VIPR2: variants seen among roughly 807,000 people sequenced by gnomAD.
VIPR2 encodes the protein vasoactive intestinal polypeptide receptor 2.
A neutral mutation model predicts 58.0 loss-of-function variants in VIPR2; 48 were observed. The observed-to-expected ratio is 0.83, with a 90% CI of 0.66 to 1.05. The LOEUF (loss-of-function observed/expected upper bound fraction) is 1.05. Ranked by LOEUF, VIPR2 falls within the 50% of genes least tolerant of loss-of-function variation. VIPR2 has a pLI of 0.00. For missense variants in VIPR2, 534 were observed against 558.0 expected, an observed-to-expected ratio of 0.96 and a Z score of 0.43; for synonymous variants, 243 against 235.2, an observed-to-expected ratio of 1.03 and a Z score of -0.30.
Position 159,098,567 on chromosome 7 carries a change from G to A in VIPR2, c.357+5190C>T, listed in dbSNP as rs1585487508. On this transcript the variant is annotated intron_variant, in intron 4 of 12. Coordinates refer to ENST00000262178, the MANE Select transcript of VIPR2 (RefSeq NM_003382.5). The surrounding 1 kb of genome is among the most constrained non-coding windows in gnomAD (Gnocchi z 5.2). Reference sequence around the variant, plus strand: ...AAATAAAGGCCCAGACCATGGCCACGGCTGGTGCGGCCCCTTGGGCTCCAG... The same window carrying A: ...AAATAAAGGCCCAGACCATGGCCACAGCTGGTGCGGCCCCTTGGGCTCCAG... Among the ~76,000 whole-genome samples the A allele has an allele frequency of 1.3e-5, 2 of 152,018 alleles. No homozygotes were observed. The highest frequency in any genetic ancestry group is 4.8e-5 in the African/African-American group (2 of 41,378).
intron 4 of VIPR2, among the ~76,000 whole-genome samples, chr7:159,086,028 T>C (rs1181689899): frequency 1.3e-5 from 2 of 152,192 alleles, no homozygotes; most frequent in Non-Finnish European, 2.9e-5. Context: ...GGGTCAATAT[T>C]ATACCAAAGC....
chr7:159,096,231 G>C lies in VIPR2; in HGVS notation c.357+7526C>G, dbSNP rs1435781153. On this transcript the variant is annotated intron_variant, in intron 4 of 12. Coordinates refer to ENST00000262178, the MANE Select transcript of VIPR2 (RefSeq NM_003382.5). This position sits in a 1 kb window ranked among gnomAD's most constrained non-coding sequence, Gnocchi z 5.5. ...CCTCCTATCCATCGAGGCCCGGAGA[G>C]TTTCAACCCCTGCCTGGGGCCACAC... Among the ~76,000 whole-genome samples, 2 of 152,220 alleles carry C rather than the reference G, an allele frequency of 1.3e-5. No individual in the cohort carries two copies. The highest frequency in any genetic ancestry group is 4.8e-5 in the African/African-American group (2 of 41,462).
chr7:159,059,404 T>C (rs1225666641), intron 4 of VIPR2: 1 of 462,752 alleles, frequency 2.2e-6, no homozygotes, highest in East Asian at 7.0e-5. Context: ...ATGTGATGAA[T>C]TTTATTTTTG....
Position 159,098,006 on chromosome 7 carries a change from C to T in VIPR2, c.357+5751G>A, listed in dbSNP as rs1234161582. Reference sequence around the variant, plus strand: ...AGACCCACTGGGCCAGAGCCCGCACCACGATCAGTCCCAGGAGCTCCTCCG... The same window carrying T: ...AGACCCACTGGGCCAGAGCCCGCACTACGATCAGTCCCAGGAGCTCCTCCG... On this transcript the variant is annotated intron_variant, in intron 4 of 12. Coordinates refer to ENST00000262178, the MANE Select transcript of VIPR2 (RefSeq NM_003382.5). This position sits in a 1 kb window ranked among gnomAD's most constrained non-coding sequence, Gnocchi z 5.2. Among the ~76,000 whole-genome samples, 2 of 152,210 alleles carry T rather than the reference C, an allele frequency of 1.3e-5. No individual in the cohort carries two copies. Among genetic ancestry groups the T allele is most frequent in the Non-Finnish European group, 2.9e-5 (2 of 68,044 alleles).
intron 4 of VIPR2, among the ~76,000 whole-genome samples, chr7:159,094,778 A>C (rs1445812311): frequency 1.3e-5 from 2 of 152,210 alleles, no homozygotes; most frequent in Non-Finnish European, 2.9e-5. Context: ...GGTATGTCCA[A>C]GTTAGAGGGA....
chr7:159,065,963 C>G (rs1426044481), intron 4 of VIPR2, among the ~76,000 whole-genome samples: 1 of 152,266 alleles, frequency 6.6e-6, no homozygotes, highest in Non-Finnish European at 1.5e-5. Flanking sequence ...ATTCATTTAA[C>G]CCAACATGTG....
chr7:159,081,711 T>C (rs1856913105), intron 4 of VIPR2, among the ~76,000 whole-genome samples: 1 of 152,056 alleles, frequency 6.6e-6, no homozygotes, highest in East Asian at 1.9e-4. Flanking sequence ...ATTTTTGCAA[T>C]CTACTCATCT....
At chr7:159,130,735 A>ACTGAAATGCTGTGTATTGATTT (rs1375978960) in intron 2 of VIPR2, among the ~76,000 whole-genome samples, 2 of 152,176 alleles carry the variant, frequency 1.3e-5, no homozygotes, top group African/African-American at 4.8e-5. Flanking sequence ...TTCTTTCTTT[A>ACTGAAATGCTGTGTATTGATTT]CTGAAATGCT....
At chr7:159,073,713 CT>C (rs369971413) in intron 4 of VIPR2, among the ~76,000 whole-genome samples, 2,063 of 149,418 alleles carry the variant, frequency 0.014, 28 homozygotes, top group Admixed American at 0.03. Context: ...TCAGCCTATC[CT>C]TTTTTTTTTA....
At chr7:159,086,667 C>T (rs1014654323) in intron 4 of VIPR2, among the ~76,000 whole-genome samples, 5 of 152,224 alleles carry the variant, frequency 3.3e-5, no homozygotes, top group Admixed American at 6.5e-5. Context: ...GCTGATTCTC[C>T]ATGGCCAGGT....
intron 4 of VIPR2, among the ~76,000 whole-genome samples, chr7:159,075,549 G>A (rs1856591402): frequency 6.6e-6 from 1 of 152,222 alleles, no homozygotes; most frequent in Admixed American, 6.5e-5. Context: ...TGAGGCCAGT[G>A]AGGAGCCCAG....
At chr7:159,049,029 T>C (rs1854821194) in intron 5 of VIPR2, among the ~76,000 whole-genome samples, 1 of 152,214 alleles carries the variant, frequency 6.6e-6, no homozygotes, top group Non-Finnish European at 1.5e-5. Context: ...CCCCCATTAC[T>C]GCACCCTCTG....
chr7:159,134,735 GC>G (rs1162045156), intron 2 of VIPR2, among the ~76,000 whole-genome samples: 1 of 151,662 alleles, frequency 6.6e-6, no homozygotes, highest in African/African-American at 2.4e-5. Context: ...TCGGCTCACT[GC>G]AAGCTCTGCC....
intron 4 of VIPR2, among the ~76,000 whole-genome samples, chr7:159,088,373 T>C (rs1312351332): frequency 1.3e-5 from 2 of 150,154 alleles, no homozygotes; most frequent in Non-Finnish European, 3.0e-5. Context: ...TGCTGTAGCA[T>C]ACCTGTACAC....
rs370531320 is a variant in VIPR2 at position 159,036,733 on chromosome 7, T to C, written c.748+19A>G. ...TGGGATGGGATGGAGGGTTTGTGGG[T>C]GGGAAGGGGCACACTTACCCCATCC... On this transcript the variant is annotated intron_variant, in intron 7 of 12. Coordinates refer to ENST00000262178, the MANE Select transcript of VIPR2 (RefSeq NM_003382.5). The C allele has an allele frequency of 1.2e-6, 2 of 1,604,762 alleles. No individual in the cohort carries two copies. The highest frequency in any genetic ancestry group is 8.5e-7 in the Non-Finnish European group (1 of 1,174,002).
chr7:159,062,596 G>A (rs904093564), intron 4 of VIPR2, among the ~76,000 whole-genome samples: 4 of 152,162 alleles, frequency 2.6e-5, no homozygotes, highest in East Asian at 1.9e-4. Flanking sequence ...GCTGGTCTTA[G>A]GAGTGAAGCC....
chr7:159,112,635 G>C (rs1315715468), intron 2 of VIPR2, among the ~76,000 whole-genome samples: 3 of 136,266 alleles, frequency 2.2e-5, no homozygotes, highest in Non-Finnish European at 4.8e-5. Flanking sequence ...ACGCTGCAGG[G>C]AACCGACGGG....
intron 4 of VIPR2, among the ~76,000 whole-genome samples, chr7:159,084,226 G>T (rs535841808): frequency 6.6e-6 from 1 of 152,260 alleles, no homozygotes; most frequent in Admixed American, 6.5e-5. Context: ...ATGCCTCTGA[G>T]TTCTGCAGGC....
At chr7:159,074,017 C>T (rs886972415) in intron 4 of VIPR2, among the ~76,000 whole-genome samples, 1 of 152,182 alleles carries the variant, frequency 6.6e-6, no homozygotes, top group Non-Finnish European at 1.5e-5. Context: ...GCTTCTACCA[C>T]AAAATGTTTT....
Sources: allele counts gnomAD v4.1 joint callset (sites outside exome capture counted in the v4.1 genomes callset), GRCh38; gene constraint gnomAD v4.1.1; non-coding constraint Gnocchi (gnomAD v3.1); transcripts MANE v1.5; gene names NCBI Gene and HGNC (gene_info 2026-07-23, HGNC 2026-07-21).